PPFIA4: variants seen among roughly 807,000 people sequenced by gnomAD.
PPFIA4 encodes the protein liprin-alpha-4.
In PPFIA4, 98 loss-of-function variants were observed where a neutral mutation model predicts 145.7. The ratio of observed to expected loss-of-function variants is 0.67; its 90% CI spans 0.57 to 0.80. The LOEUF is 0.80. PPFIA4 is among the 30% of genes least tolerant of loss of function. The pLI is 0.00. For synonymous variants in PPFIA4, 628 were observed against 649.6 expected (o/e 0.97, Z 0.51); for missense variants, 1,457 against 1,632.7 (o/e 0.89, Z 1.85).
At chr1:203,030,446 G>A (rs1441636432) in intron 1 of PPFIA4, among the ~76,000 whole-genome samples, 1 of 152,224 alleles carries the variant, frequency 6.6e-6, no homozygotes. Context: ...ATGCAGGGGG[G>A]TGACCCCAGA....
At chr1:203,058,640 G>A (rs775990756) in intron 19 of PPFIA4, among the ~76,000 whole-genome samples, 3 of 152,186 alleles carry the variant, frequency 2.0e-5, no homozygotes, top group East Asian at 1.9e-4. Flanking sequence ...CTCTGGCCAC[G>A]AATTCTGAAG....
intron 1 of PPFIA4, chr1:203,035,223 C>T (rs1351771155): frequency 6.6e-6 from 3 of 452,928 alleles, no homozygotes; most frequent in Non-Finnish European, 1.3e-5. Flanking sequence ...CTGAATAGCC[C>T]CTCAGACGCT....
chr1:203,045,919 A>G lies in PPFIA4; in HGVS notation c.937A>G (p.Thr313Ala), dbSNP rs1660050972. 1 of 1,612,826 alleles carries G rather than the reference A, an allele frequency of 6.2e-7. No individual in the cohort carries two copies. Among genetic ancestry groups the G allele is most frequent in the Non-Finnish European group, 8.5e-7 (1 of 1,179,866 alleles). ...KRYLAAQREATSIHDLNDKLE... is the reference protein window; with the variant it reads ...KRYLAAQREAASIHDLNDKLE... ...CTACCTGGCTGCTCAGCGTGAGGCA[A>G]CATCCATCCATGACCTCAATGACAA... The change falls in exon 8 of 30, where the codon ACA becomes GCA. Residue 313 changes from threonine (T) to alanine (A), a missense_variant. This residue lies in a region of PPFIA4 where 463 missense variants were observed against 459.8 expected (regional missense o/e 1.01). Coordinates refer to ENST00000295706, the MANE Select transcript of PPFIA4 (RefSeq NM_001304331.2).
chr1:203,045,674 G>A (rs1660028466), intron 7 of PPFIA4, 115 bp downstream of exon 7: 1 of 1,451,566 alleles, frequency 6.9e-7, no homozygotes. Flanking sequence ...TGGCTCCATT[G>A]TTGGGGGGCG....
intron 27 of PPFIA4, among the ~76,000 whole-genome samples, chr1:203,071,045 G>A (rs1662119309): frequency 6.6e-6 from 1 of 151,248 alleles, no homozygotes; most frequent in Non-Finnish European, 1.5e-5. Context: ...TCAGACTCCT[G>A]GGATCAAGCT....
At chr1:203,072,756 C>T (rs1165850235) in intron 28 of PPFIA4, among the ~76,000 whole-genome samples, 1 of 152,182 alleles carries the variant, frequency 6.6e-6, no homozygotes, top group African/African-American at 2.4e-5. Context: ...ACACAGGGCA[C>T]TATAAGGAAT....
chr1:203,029,667 T>C (rs1312078495), intron 1 of PPFIA4, among the ~76,000 whole-genome samples: 1 of 152,220 alleles, frequency 6.6e-6, no homozygotes, highest in African/African-American at 2.4e-5. Flanking sequence ...TCCTTGCCAC[T>C]GGAGATATTT....
At chr1:203,040,782 A>G (rs1026352742) in intron 2 of PPFIA4, among the ~76,000 whole-genome samples, 1 of 152,218 alleles carries the variant, frequency 6.6e-6, no homozygotes, top group Admixed American at 6.5e-5. Context: ...TGTCTTACAG[A>G]TCAGAGAATG....
Position 203,060,205 on chromosome 1 carries a change from CG to C in PPFIA4, c.2584-10del. The C allele has an allele frequency of 6.2e-7, 1 of 1,612,944 alleles. No individual in the cohort carries two copies. The highest frequency in any genetic ancestry group is 1.1e-5 in the South Asian group (1 of 90,964). On this transcript the variant is annotated splice_polypyrimidine_tract_variant and intron_variant, in intron 21 of 29. Transcript: ENST00000295706. This position sits in a 1 kb window ranked among gnomAD's most constrained non-coding sequence, Gnocchi z 4.8. ...AGGCCTTGAATTACCTCCCTGTGCCCGGTGTCTGCAGCTCTGGGTGGGGATG... is the reference window on the plus strand; with the variant it reads ...AGGCCTTGAATTACCTCCCTGTGCCCGTGTCTGCAGCTCTGGGTGGGGATG...
At chr1:203,072,325 TGG>T (rs1405282720) in intron 28 of PPFIA4, among the ~76,000 whole-genome samples, 73 of 152,336 alleles carry the variant, frequency 4.8e-4, no homozygotes, top group African/African-American at 1.7e-3. Context: ...GTTTCACCCT[TGG>T]GTCTACCTTC....
chr1:203,044,141 G>T (rs953062293), intron 4 of PPFIA4, 46 bp downstream of exon 4: 1 of 1,526,656 alleles, frequency 6.6e-7, no homozygotes, highest in African/African-American at 1.4e-5. Flanking sequence ...GGCTGCCCTG[G>T]AGCCTCCCAT....
chr1:203,035,843 CAG>C (rs1659214291), intron 1 of PPFIA4, among the ~76,000 whole-genome samples: 1 of 29,138 alleles, frequency 3.4e-5, no homozygotes, highest in Admixed American at 7.2e-4. Flanking sequence ...ACAGTCATCT[CAG>C]GGGCATCTTG....
intron 13 of PPFIA4, chr1:203,051,233 T>C: frequency 1.0e-6 from 1 of 985,390 alleles, no homozygotes; most frequent in Non-Finnish European, 1.2e-6. Context: ...TAAAGCTTCC[T>C]AGGCATAGGG....
At chr1:203,051,495 C>A in intron 13 of PPFIA4, 1 of 638,150 alleles carries the variant, frequency 1.6e-6, no homozygotes, top group Non-Finnish European at 2.2e-6. Flanking sequence ...GCATCGTAAG[C>A]CAACTCTTGC....
rs369736438 is a variant in PPFIA4 at position 203,046,318 on chromosome 1, G to A, written c.1076G>A (p.Arg359His). 1.1e-4 allele frequency: 179 copies of A among 1,594,480 alleles called. No individual in the cohort carries two copies. The highest frequency in any genetic ancestry group is 3.3e-4 in the Middle Eastern group (2 of 6,060). ...GAGCAGAAGCTGCAGCAGACGATGC[G>A]CAAGGCAGAGACGCTGCCAGAGGTG... ...VAEQKLQQTM[R>H]KAETLPEVEA... Residue 359 changes from arginine to histidine, a missense_variant, in exon 9 of 30, where the codon CGC becomes CAC. Physicochemically the swap from Arg to His is conservative, Grantham distance 29. This residue lies in a region of PPFIA4 where 848 missense variants were observed against 1,046.7 expected (regional missense o/e 0.81). Transcript: ENST00000295706.
At chr1:203,072,283 C>A (rs753405912) in intron 28 of PPFIA4, among the ~76,000 whole-genome samples, 2 of 152,216 alleles carry the variant, frequency 1.3e-5, no homozygotes, top group Admixed American at 1.3e-4. Flanking sequence ...GTTAAACACA[C>A]GCTCGGGCTT....
Position 203,030,356 on chromosome 1 carries a change from C to T in PPFIA4, c.-400+3727C>T, listed in dbSNP as rs72754747. Among the ~76,000 whole-genome samples the T allele has an allele frequency of 7.1e-3, 1,083 of 152,194 alleles. 7 individuals are homozygous for T. The highest frequency in any genetic ancestry group is 0.024 in the Middle Eastern group (7 of 294). The stretch of plus-strand genomic sequence containing the variant: ...TCTCCTTTGGCCTAGAGGAGCGCTG[C>T]TGGGAGTGGAGGCCTGGGGAGTGGG... On this transcript the variant is annotated intron_variant, in intron 1 of 29. Transcript: ENST00000295706.
In PPFIA4 at chr1:203,071,739, C is replaced by A. The variant is rs753442792; in HGVS notation, c.3372C>A (p.Gly1124=). ...EREFNNLLAL[G]TDRKLDDGDD... Reference sequence around the variant, plus strand: ...AGTTCAATAACCTGTTGGCCTTGGGCACAGACCGGAAGCTGGATGACGTGA... The same window carrying A: ...AGTTCAATAACCTGTTGGCCTTGGGAACAGACCGGAAGCTGGATGACGTGA... Residue 1124 remains glycine, a synonymous_variant, in exon 28 of 30, where the codon GGC becomes GGA. Transcript: ENST00000295706. 6 of 1,612,872 alleles carry A rather than the reference C, an allele frequency of 3.7e-6. No homozygotes were observed. In the South Asian group the frequency reaches 6.6e-5, roughly 18 times the overall value.
In PPFIA4 at chr1:203,058,161, C is replaced by T. The variant is rs545896116; in HGVS notation, c.2408-1017C>T. ...CCAAATGCATAATTAGACCTTTCTG[C>T]AGCTCAGGAAGATGTGAATCAGAAG... On this transcript the variant is annotated intron_variant, in intron 19 of 29. Coordinates refer to ENST00000295706, the MANE Select transcript of PPFIA4 (RefSeq NM_001304331.2). Among the ~76,000 whole-genome samples, 18 of 152,178 alleles carry T rather than the reference C, an allele frequency of 1.2e-4. No individual in the cohort carries two copies. The South Asian group carries it at 3.1e-3, about 26-fold the overall frequency.
Sources: allele counts gnomAD v4.1 joint callset (sites outside exome capture counted in the v4.1 genomes callset), GRCh38; gene constraint gnomAD v4.1.1; regional missense constraint gnomAD v4.1.1; non-coding constraint Gnocchi (gnomAD v3.1); transcripts MANE v1.5; gene names NCBI Gene and HGNC (gene_info 2026-07-23, HGNC 2026-07-21).